NAV2: variants seen among roughly 807,000 people sequenced by gnomAD.
The protein encoded by NAV2 is neuron navigator 2, also known as helicase, APC down-regulated 1.
Under a neutral mutation model 223.2 loss-of-function variants are expected in NAV2, and 54 were observed. That is an observed-to-expected ratio of 0.24 (90% CI 0.19 to 0.30). The LOEUF is 0.30. Ranked by LOEUF, NAV2 falls within the 10% of genes least tolerant of loss-of-function variation. The pLI is 1.00. For missense variants in NAV2, 2,806 were observed against 3,147.5 expected, an observed-to-expected ratio of 0.89 and a Z score of 2.60; for synonymous variants, 1,279 against 1,239.3, an observed-to-expected ratio of 1.03 and a Z score of -0.67.
chr11:20,110,445 C>A (rs185921190), intron 36 of NAV2, among the ~76,000 whole-genome samples: 4 of 152,176 alleles, frequency 2.6e-5, no homozygotes, highest in Non-Finnish European at 5.9e-5. Flanking sequence ...AGGGGCCCGA[C>A]GTGCATGATC....
At chr11:19,948,580 A>C in intron 9 of NAV2, 111 bp from the exon 10 acceptor site, 1 of 1,230,814 alleles carries the variant, frequency 8.1e-7, no homozygotes, top group Non-Finnish European at 1.1e-6. Context: ...TGGCTGTTTT[A>C]TCCTATTTTA....
chr11:19,533,939 C>G (rs1258741128), intron 1 of NAV2, among the ~76,000 whole-genome samples: 1 of 150,186 alleles, frequency 6.7e-6, no homozygotes, highest in Non-Finnish European at 1.5e-5. Flanking sequence ...ATCTCCTGAC[C>G]TCGTGATCCG....
At position 19,998,319 on chromosome 11, in the gene NAV2, G is replaced by T. The variant is rs532628687; in HGVS notation, c.2768+14072G>T. On this transcript the variant is annotated intron_variant, in intron 11 of 37. Coordinates refer to ENST00000349880, the MANE Select transcript of NAV2 (RefSeq NM_145117.5). The surrounding 1 kb of genome is among the most constrained non-coding windows in gnomAD (Gnocchi z 5.0). The stretch of plus-strand genomic sequence containing the variant: ...CACCTCCCTCTCCTTCTCTCTCATT[G>T]GCCATGGTGCAGGGGTCTAGGCTGC... Among the ~76,000 whole-genome samples the T allele has an allele frequency of 3.1e-4, 47 of 151,324 alleles. No homozygotes were observed. The highest frequency in any genetic ancestry group is 2.1e-3 in the South Asian group (10 of 4,752).
At chr11:19,822,719 C>G (rs2059442476) in intron 1 of NAV2, among the ~76,000 whole-genome samples, 1 of 152,128 alleles carries the variant, frequency 6.6e-6, no homozygotes, top group South Asian at 2.1e-4. Context: ...CCCCCTGCTG[C>G]CTTCTTCTGG....
At chr11:20,012,502 C>G (rs2053639949) in intron 11 of NAV2, among the ~76,000 whole-genome samples, 1 of 151,644 alleles carries the variant, frequency 6.6e-6, no homozygotes, top group Non-Finnish European at 1.5e-5. Context: ...TGGAGAAAAC[C>G]AATCTTTACT....
rs913559528 is a variant in NAV2, at chr11:19,551,197, C to T, written c.75+200170C>T. Among the ~76,000 whole-genome samples, 4 of 152,390 alleles carry T rather than the reference C, an allele frequency of 2.6e-5. No homozygotes were observed. In the East Asian group the frequency reaches 7.7e-4, roughly 29 times the overall value. ...ACTTTGGGGTTTGCCTGCCCTGCAG[C>T]ACCATCACTTTCTTTACTACAATTT... is the stretch of plus-strand genomic sequence containing the variant. On this transcript the variant is annotated intron_variant, in intron 1 of 37. Transcript: ENST00000360655.
rs1554902313 is a variant in NAV2 at position 20,023,699 on chromosome 11, G to GGGGTGTGTGT, written c.2769-12259_2769-12258insGGTGTGTGTG. 4.0e-3 allele frequency among the ~76,000 whole-genome samples: 576 copies of GGGGTGTGTGT among 144,674 alleles called. 4 individuals carry two copies. Among genetic ancestry groups the GGGGTGTGTGT allele is most frequent in the Admixed American group, 5.8e-3 (85 of 14,538 alleles). The allele number at this position is 144,674 out of a possible 152,430, so 94.9% of individuals were successfully genotyped here. Reference sequence around the variant, plus strand: ...GTTGTGTTTATACAGCAAATTGCTGGGTGTGTGTGTGTGTGTGTGTGTGTG... The same window carrying GGGGTGTGTGT: ...GTTGTGTTTATACAGCAAATTGCTGGGGGTGTGTGTGTGTGTGTGTGTGTGTGTGTGTGTG... On this transcript the variant is annotated intron_variant, in intron 11 of 37. Transcript: ENST00000349880.
chr11:19,345,295 A>G, the NAV2 span, among the ~76,000 whole-genome samples: 1 of 152,230 alleles, frequency 6.6e-6, no homozygotes, highest in African/African-American at 2.4e-5. This position sits in a 1 kb window ranked among gnomAD's most constrained non-coding sequence, Gnocchi z 5.2. Flanking sequence ...GGCTCCGCGA[A>G]GCCGGTGTGG....
At chr11:19,900,034 C>CT (rs923732296) in intron 6 of NAV2, among the ~76,000 whole-genome samples, 2 of 152,054 alleles carry the variant, frequency 1.3e-5, no homozygotes, top group African/African-American at 4.8e-5. Context: ...TGATAGCCAT[C>CT]TTTTTTTGGG....
rs532996597 is a variant in NAV2, at chr11:20,043,836, C to T, written c.2908-145C>T. 7.1e-5 allele frequency: 47 copies of T among 662,524 alleles called. No individual in the cohort carries two copies. In the East Asian group the frequency reaches 1.2e-3, roughly 17 times the overall value. The allele number at this position is 662,524 out of a possible 1,614,324, so 41.0% of individuals were successfully genotyped here. ...AAAATCAGTCTTTCTAACAAGATAACCAGAGTACAAAAGTCCAAACATCTT... is the reference window on the plus strand; with the variant it reads ...AAAATCAGTCTTTCTAACAAGATAATCAGAGTACAAAAGTCCAAACATCTT... On this transcript the variant is annotated intron_variant, in intron 12 of 37. Transcript: ENST00000349880.
intron 1 of NAV2, among the ~76,000 whole-genome samples, chr11:19,525,547 A>G (rs2043814636): frequency 6.6e-6 from 1 of 152,206 alleles, no homozygotes; most frequent in African/African-American, 2.4e-5. Context: ...CCAGGGAGCC[A>G]CGCAGGGGAA....
intron 1 of NAV2, among the ~76,000 whole-genome samples, chr11:19,367,325 C>T (rs1848320959): frequency 2.0e-5 from 3 of 152,152 alleles, no homozygotes; most frequent in Admixed American, 2.0e-4. Flanking sequence ...TCCAAGGCCC[C>T]TTGAGCTGAC....
chr11:19,628,500 G>GT (rs1222875395), intron 1 of NAV2, among the ~76,000 whole-genome samples: 2 of 152,146 alleles, frequency 1.3e-5, no homozygotes, highest in Non-Finnish European at 2.9e-5. Flanking sequence ...CATGGTGAGT[G>GT]ACACAGATAT....
intron 1 of NAV2, chr11:19,518,673 T>C (rs1707057602): frequency 1.3e-5 from 2 of 152,230 alleles, no homozygotes; most frequent in Admixed American, 1.3e-4. Context: ...AACATTCCTC[T>C]CATCTGATAA....
chr11:19,808,930 A>AC (rs1355581789), intron 1 of NAV2, among the ~76,000 whole-genome samples: 1 of 152,236 alleles, frequency 6.6e-6, no homozygotes, highest in Non-Finnish European at 1.5e-5. Context: ...AACCTCTGGC[A>AC]TTTTTGAGTC....
intron 1 of NAV2, among the ~76,000 whole-genome samples, chr11:19,381,245 TTG>T: frequency 6.6e-6 from 1 of 152,298 alleles, no homozygotes; most frequent in South Asian, 2.1e-4. Context: ...GTCAATTTCC[TTG>T]TCTCTCTACT....
At chr11:19,346,738 G>C (rs751725934), upstream of NAV2, among the ~76,000 whole-genome samples, 3 of 152,142 alleles carry the variant, frequency 2.0e-5, no homozygotes, top group African/African-American at 2.4e-5. Flanking sequence ...GCCGGCTCAC[G>C]GGCTCCCTTT....
chr11:20,081,247 C>T lies in NAV2; in HGVS notation c.5325+1038C>T, dbSNP rs187827605. Among the ~76,000 whole-genome samples, 361 of 152,292 alleles carry T rather than the reference C, an allele frequency of 2.4e-3. 1 individual carries two copies. Among genetic ancestry groups the T allele is most frequent in the Non-Finnish European group, 4.1e-3 (277 of 68,026 alleles). The stretch of plus-strand genomic sequence containing the variant: ...TGATTAAATTTTCTTTTTTAAGTTA[C>T]TAATGGCTCTTAGTCAACTTATTTG... On this transcript the variant is annotated intron_variant, in intron 25 of 37. Coordinates refer to ENST00000349880, the MANE Select transcript of NAV2 (RefSeq NM_145117.5).
intron 1 of NAV2, among the ~76,000 whole-genome samples, chr11:19,622,451 T>G (rs2047026669): frequency 6.6e-6 from 1 of 152,152 alleles, no homozygotes; most frequent in Admixed American, 6.5e-5. Context: ...TGTATTGGGT[T>G]GGTATATATT....
Sources: allele counts gnomAD v4.1 joint callset (sites outside exome capture counted in the v4.1 genomes callset), GRCh38; gene constraint gnomAD v4.1.1; non-coding constraint Gnocchi (gnomAD v3.1); transcripts MANE v1.5; gene names NCBI Gene and HGNC (gene_info 2026-07-23, HGNC 2026-07-21).